The following BMPR2 variants were observed in gnomAD, a reference collection of about 807,000 sequenced individuals.
BMPR2 encodes the protein bone morphogenetic protein receptor type 2, also known as bone morphogenetic protein receptor type-2.
In BMPR2, 29 loss-of-function variants were observed where a neutral mutation model predicts 100.8. That is an observed-to-expected ratio of 0.29 (90% CI 0.21 to 0.39). The LOEUF is 0.39. Ranked by LOEUF, BMPR2 falls within the 10% of genes least tolerant of loss-of-function variation. The probability of loss-of-function intolerance (pLI) is 1.00; values close to 1 mark genes in which losing one functional copy is unlikely to be tolerated. For synonymous variants in BMPR2, 382 were observed against 442.3 expected, an observed-to-expected ratio of 0.86 and a Z score of 1.71; for missense variants, 1,011 against 1,274.5, an observed-to-expected ratio of 0.79 and a Z score of 3.15.
intron 10 of BMPR2, among the ~76,000 whole-genome samples, chr2:202,550,241 C>T (rs1407455240): frequency 2.6e-5 from 4 of 151,910 alleles, no homozygotes; most frequent in South Asian, 4.2e-4. Flanking sequence ...GGTGTGGTGG[C>T]GGGTGCCTGT....
intron 1 of BMPR2, among the ~76,000 whole-genome samples, chr2:202,403,970 A>T (rs1318240150): frequency 6.6e-6 from 1 of 151,066 alleles, no homozygotes; most frequent in African/African-American, 2.4e-5. Flanking sequence ...GTGCTATTGC[A>T]CTATAGCCTG....
In BMPR2 at chr2:202,532,436, T is replaced by TA; in HGVS notation, c.1129-143dup. 5.4e-6 allele frequency: 5 copies of TA among 922,734 alleles called. No individual in the cohort carries two copies. The South Asian group carries it at 8.3e-5, about 15-fold the overall frequency. 57.2% of individuals were successfully genotyped at this position (922,734 alleles called of 1,614,324 possible). ...TTATTCAGGAAGGGCATTTTATAGG[T>TA]AAAAAATAAGTTATAGAAAGGTTTA... On this transcript the variant is annotated intron_variant, in intron 8 of 12. Transcript: ENST00000374580. The surrounding 1 kb of genome is among the most constrained non-coding windows in gnomAD (Gnocchi z 4.1).
At chr2:202,489,024 G>A (rs1308099644) in intron 3 of BMPR2, among the ~76,000 whole-genome samples, 17 of 146,974 alleles carry the variant, frequency 1.2e-4, no homozygotes, top group Middle Eastern at 3.5e-3. Context: ...TTTTTGAGGT[G>A]GAGTTTTGCT....
intron 3 of BMPR2, among the ~76,000 whole-genome samples, chr2:202,476,854 T>C (rs1206832471): frequency 6.6e-6 from 1 of 151,892 alleles, no homozygotes; most frequent in Non-Finnish European, 1.5e-5. Flanking sequence ...CACGGACAAC[T>C]TCAATATACT....
rs1559076757 is a variant in BMPR2 at position 202,563,331 on chromosome 2, G to A, written c.*3385G>A. On this transcript the variant is annotated 3_prime_UTR_variant, in exon 13 of 13. Coordinates refer to ENST00000374580, the MANE Select transcript of BMPR2 (RefSeq NM_001204.7). ...GGGCGCCTGTAGTCCCAGCTACTCA[G>A]GAGGCTAAGGCAGGAGAATCTCTTG... 1 of 152,232 alleles carries A rather than the reference G, an allele frequency of 6.6e-6. No individual in the cohort carries two copies. The highest frequency in any genetic ancestry group is 2.4e-5 in the African/African-American group (1 of 41,432). The allele number at this position is 152,232 out of a possible 1,614,324, so 9.4% of individuals were successfully genotyped here.
At chr2:202,401,537 CT>C (rs1690768961) in intron 1 of BMPR2, among the ~76,000 whole-genome samples, 1 of 152,172 alleles carries the variant, frequency 6.6e-6, no homozygotes, top group Non-Finnish European at 1.5e-5. Context: ...ATATCTTCAT[CT>C]TCTGTATAGG....
intron 3 of BMPR2, among the ~76,000 whole-genome samples, chr2:202,493,502 T>C (rs1372077686): frequency 2.6e-5 from 4 of 152,174 alleles, no homozygotes; most frequent in Admixed American, 2.0e-4. Context: ...TCTTGTATTT[T>C]TAAAATTCCT....
At chr2:202,508,070 C>CTAT (rs4032712) in intron 3 of BMPR2, among the ~76,000 whole-genome samples, 1,777 of 139,754 alleles carry the variant, frequency 0.013, 22 homozygotes, top group Middle Eastern at 0.033. Flanking sequence ...TCATTTGAGG[C>CTAT]TATTATTATT....
At chr2:202,429,407 A>C (rs1211654665) in intron 1 of BMPR2, among the ~76,000 whole-genome samples, 1 of 152,132 alleles carries the variant, frequency 6.6e-6, no homozygotes, top group East Asian at 1.9e-4. Flanking sequence ...ATTTATGGTT[A>C]CTGGAACTTA....
chr2:202,437,706 G>A (rs187648375), intron 1 of BMPR2, among the ~76,000 whole-genome samples: 4 of 150,550 alleles, frequency 2.7e-5, no homozygotes, highest in African/African-American at 5.0e-5. Flanking sequence ...AAGTTGAGTC[G>A]TATCATATAA....
rs1016862450 is a variant in BMPR2, at chr2:202,426,303, G to A, written c.77-38506G>A. ...ATTGCATATAATTTAGTTTATGGCC[G>A]GGTACGGTGGCTCACGCCTGTAATC... On this transcript the variant is annotated intron_variant, in intron 1 of 12. Coordinates refer to ENST00000374580, the MANE Select transcript of BMPR2 (RefSeq NM_001204.7). Among the ~76,000 whole-genome samples, 11 of 152,246 alleles carry A rather than the reference G, an allele frequency of 7.2e-5. No individual in the cohort carries two copies. The South Asian group carries it at 1.2e-3, about 17-fold the overall frequency.
intron 5 of BMPR2, among the ~76,000 whole-genome samples, chr2:202,515,663 G>A (rs1043832808): frequency 7.2e-5 from 11 of 152,168 alleles, no homozygotes; most frequent in African/African-American, 2.7e-4. Context: ...GCTGAGGCAG[G>A]GGGATCACTT....
intron 1 of BMPR2, among the ~76,000 whole-genome samples, chr2:202,396,705 T>C (rs1317074108): frequency 6.6e-6 from 1 of 152,216 alleles, no homozygotes; most frequent in East Asian, 1.9e-4. Context: ...ATCAGAGATA[T>C]TGCATGCTTG....
At chr2:202,546,524 C>T (rs556700312) in intron 10 of BMPR2, among the ~76,000 whole-genome samples, 1 of 152,314 alleles carries the variant, frequency 6.6e-6, no homozygotes, top group East Asian at 1.9e-4. Context: ...TCATAAATGA[C>T]TTTTTCTTCC....
intron 9 of BMPR2, among the ~76,000 whole-genome samples, chr2:202,538,291 T>TA (rs1027397440): frequency 6.6e-6 from 1 of 151,476 alleles, no homozygotes; most frequent in Non-Finnish European, 1.5e-5. Flanking sequence ...CTATCTCTAC[T>TA]AAAAATATTT....
intron 1 of BMPR2, among the ~76,000 whole-genome samples, chr2:202,405,330 G>A (rs1690866973): frequency 6.6e-6 from 1 of 151,984 alleles, no homozygotes; most frequent in Admixed American, 6.6e-5. Context: ...TTGATTGTTG[G>A]TAGGGTGACT....
chr2:202,450,970 T>C (rs2105947596), intron 1 of BMPR2, among the ~76,000 whole-genome samples: 1 of 152,324 alleles, frequency 6.6e-6, no homozygotes, highest in Admixed American at 6.5e-5. Context: ...GGTTCCTGTG[T>C]TGTTTATTTT....
chr2:202,461,019 T>G (rs1424993831), intron 1 of BMPR2, among the ~76,000 whole-genome samples: 2 of 151,886 alleles, frequency 1.3e-5, no homozygotes, highest in African/African-American at 4.8e-5. Flanking sequence ...TTTAAAAATT[T>G]TTTAATTCCT....
rs573388748 is a variant in BMPR2 at position 202,457,557 on chromosome 2, T to G, written c.77-7252T>G. ...TAGCAATATTTTATATATATATATA[T>G]ATATAGAGAGAGAGAGAGAGAGAGA... is the stretch of plus-strand genomic sequence containing the variant. On this transcript the variant is annotated intron_variant, in intron 1 of 12. Coordinates refer to ENST00000374580, the MANE Select transcript of BMPR2 (RefSeq NM_001204.7). 4.3e-3 allele frequency among the ~76,000 whole-genome samples: 437 copies of G among 100,762 alleles called. 3 individuals are homozygous for G. The highest frequency in any genetic ancestry group is 7.9e-3 in the African/African-American group (189 of 23,964). 66.1% of individuals were successfully genotyped at this position (100,762 alleles called of 152,430 possible).
Sources: gnomAD v4.1 joint callset for allele counts (sites outside exome capture counted in the v4.1 genomes callset) on GRCh38, gnomAD v4.1.1 for gene constraint, Gnocchi (gnomAD v3.1) non-coding constraint, MANE v1.5 for transcripts, NCBI Gene and HGNC (gene_info 2026-07-23, HGNC 2026-07-21) for gene names.